The following RNF6 variants were observed in gnomAD, a reference collection of about 807,000 sequenced individuals.
RNF6 encodes the protein E3 ubiquitin-protein ligase RNF6.
RNF6 carries 21 observed loss-of-function variants against 50.1 expected under a neutral mutation model. The ratio of observed to expected loss-of-function variants is 0.42; its 90% CI spans 0.30 to 0.60. The LOEUF (loss-of-function observed/expected upper bound fraction) is 0.60. Ranked by LOEUF, RNF6 falls within the 20% of genes least tolerant of loss-of-function variation. The pLI is 0.20. For synonymous variants in RNF6, 255 were observed against 291.8 expected (o/e 0.87, Z 1.29); for missense variants, 698 against 838.2 (o/e 0.83, Z 2.07).
At chr13:26,163,573 A>G (rs1408286831) in intron 5 of RNF6, among the ~76,000 whole-genome samples, 1 of 152,234 alleles carries the variant, frequency 6.6e-6, no homozygotes, top group Non-Finnish European at 1.5e-5. Flanking sequence ...AAAAAGAAAG[A>G]GCACACACTA....
At chr13:26,204,496 C>CAAAAAA (rs71080239) in intron 5 of RNF6, among the ~76,000 whole-genome samples, 12 of 68,918 alleles carry the variant, frequency 1.7e-4, no homozygotes, top group South Asian at 5.0e-4. Context: ...GACTCCACCT[C>CAAAAAA]AAAAAAAAAA....
chr13:26,222,510 C>T (rs3858760), upstream of RNF6: 133,568 of 152,352 alleles, frequency 0.88, 59,279 homozygotes, highest in East Asian at 1. Flanking sequence ...CGGTGTCGCT[C>T]GTTTGCCAGC....
intron 5 of RNF6, among the ~76,000 whole-genome samples, chr13:26,147,102 A>G (rs996568650): frequency 3.3e-5 from 5 of 152,188 alleles, no homozygotes; most frequent in South Asian, 2.1e-4. Flanking sequence ...ATATCAATCA[A>G]TTCAGCCTGA....
At chr13:26,198,660 G>A (rs555171088) in intron 5 of RNF6, among the ~76,000 whole-genome samples, 6 of 151,446 alleles carry the variant, frequency 4.0e-5, no homozygotes, top group Non-Finnish European at 8.8e-5. Flanking sequence ...GTGTTAAAAA[G>A]TTAAAAAAAA....
At chr13:26,195,310 T>G (rs1216131319) in intron 5 of RNF6, among the ~76,000 whole-genome samples, 1 of 152,138 alleles carries the variant, frequency 6.6e-6, no homozygotes, top group African/African-American at 2.4e-5. Context: ...AAGGAAAGAA[T>G]TCTGAGTTTT....
chr13:26,175,471 GTCTCCTC>G (rs1872911017), intron 5 of RNF6, among the ~76,000 whole-genome samples: 2 of 152,156 alleles, frequency 1.3e-5, no homozygotes. Flanking sequence ...CCATCTCCTT[GTCTCCTC>G]TCAGATGACC....
intron 5 of RNF6, among the ~76,000 whole-genome samples, chr13:26,181,401 A>C (rs1017307011): frequency 6.6e-6 from 1 of 152,190 alleles, no homozygotes; most frequent in African/African-American, 2.4e-5. Flanking sequence ...CTCAGTTGGC[A>C]TTCTCCTGAC....
intron 5 of RNF6, among the ~76,000 whole-genome samples, chr13:26,149,862 G>A (rs983540024): frequency 3.4e-5 from 3 of 87,432 alleles, no homozygotes; most frequent in East Asian, 3.0e-4. Flanking sequence ...TATATATAAT[G>A]TGTGTGTGTA....
chr13:26,211,533 C>T (rs1304724900), downstream of RNF6, among the ~76,000 whole-genome samples: 7 of 152,120 alleles, frequency 4.6e-5, no homozygotes, highest in East Asian at 3.9e-4. Flanking sequence ...CCAAGGTGGG[C>T]GGATCATGAG....
rs1241360504 is a variant in RNF6 at position 26,214,817 on chromosome 13, T to C, written c.1065A>G (p.Arg355=). 2 of 1,614,236 alleles carry C rather than the reference T, an allele frequency of 1.2e-6. No homozygotes were observed. The highest frequency in any genetic ancestry group is 2.2e-5 in the South Asian group (2 of 91,090). ...GRTRVFLEQD[R]ERERRGTAYT... Reference sequence around the variant, plus strand: ...ATGCAGTACCTCTGCGTTCTCGTTCTCTATCTTGCTCTAAAAAGACTCGAG... The same window carrying C: ...ATGCAGTACCTCTGCGTTCTCGTTCCCTATCTTGCTCTAAAAAGACTCGAG... Residue 355 remains arginine, a synonymous_variant, in exon 5 of 5, where the codon AGA becomes AGG. Transcript: ENST00000381588.
At chr13:26,176,698 C>T (rs766610059) in intron 5 of RNF6, among the ~76,000 whole-genome samples, 10 of 152,142 alleles carry the variant, frequency 6.6e-5, no homozygotes, top group East Asian at 5.8e-4. Context: ...TTTGGGAGGC[C>T]GAGGCAGGTG....
At chr13:26,221,067 G>A (rs528677922) in intron 2 of RNF6, among the ~76,000 whole-genome samples, 181 bp downstream of exon 2, 4 of 152,196 alleles carry the variant, frequency 2.6e-5, no homozygotes, top group Admixed American at 6.5e-5. Flanking sequence ...TTCAGATTAA[G>A]ACCATAATTA....
At chr13:26,139,407 C>G (rs1870818084) in intron 5 of RNF6, among the ~76,000 whole-genome samples, 1 of 152,152 alleles carries the variant, frequency 6.6e-6, no homozygotes, top group African/African-American at 2.4e-5. Flanking sequence ...CCTGACCAAA[C>G]CTGATGTTTT....
chr13:26,215,622 C>T (rs752671145), intron 4 of RNF6, 30 bp from the exon 5 acceptor site: 3 of 1,552,892 alleles, frequency 1.9e-6, no homozygotes, highest in South Asian at 2.4e-5. Flanking sequence ...AACTTAAGAT[C>T]AATTCCTAAG....
At chr13:26,155,186 T>C (rs1871848233) in intron 5 of RNF6, among the ~76,000 whole-genome samples, 1 of 152,116 alleles carries the variant, frequency 6.6e-6, no homozygotes, top group South Asian at 2.1e-4. Flanking sequence ...GGAGGCTTGT[T>C]TGACCCCAGG....
intron 5 of RNF6, among the ~76,000 whole-genome samples, chr13:26,175,370 T>C (rs1464169928): frequency 1.3e-5 from 2 of 152,166 alleles, no homozygotes; most frequent in African/African-American, 4.8e-5. Flanking sequence ...CGTGAGCCAC[T>C]GCACCCAGCC....
chr13:26,144,650 G>A (rs943049269), intron 5 of RNF6, among the ~76,000 whole-genome samples: 1 of 152,206 alleles, frequency 6.6e-6, no homozygotes, highest in African/African-American at 2.4e-5. Flanking sequence ...AGGGGATGTA[G>A]TGCTGCAGCT....
At chr13:26,149,882 A>G (rs1037297646) in intron 5 of RNF6, among the ~76,000 whole-genome samples, 1 of 107,064 alleles carries the variant, frequency 9.3e-6, no homozygotes, top group East Asian at 2.5e-4. Context: ...ATATATATAT[A>G]TATATATATA....
intron 5 of RNF6, among the ~76,000 whole-genome samples, chr13:26,152,587 A>T (rs1315863709): frequency 6.6e-6 from 1 of 152,190 alleles, no homozygotes; most frequent in Non-Finnish European, 1.5e-5. Context: ...TTCCATGAAC[A>T]GATTTTGACA....
Sources: allele counts gnomAD v4.1 joint callset (sites outside exome capture counted in the v4.1 genomes callset), GRCh38; gene constraint gnomAD v4.1.1; transcripts MANE v1.5; gene names NCBI Gene and HGNC (gene_info 2026-07-23, HGNC 2026-07-21).